DENND5B: variants seen among roughly 807,000 people sequenced by gnomAD.
DENND5B encodes DENN domain-containing protein 5B.
Under a neutral mutation model 140.6 loss-of-function variants are expected in DENND5B, and 34 were observed. That is an observed-to-expected ratio of 0.24 (90% CI 0.18 to 0.32). The LOEUF (loss-of-function observed/expected upper bound fraction) is 0.32. Among genes scored for constraint, DENND5B ranks in the 10% least tolerant of loss-of-function variants. The pLI is 1.00. For missense variants in DENND5B, 1,142 were observed against 1,560.2 expected (o/e 0.73, Z 4.52); for synonymous variants, 551 against 562.1 (o/e 0.98, Z 0.28).
At chr12:31,526,910 A>C (rs1948104641) in intron 1 of DENND5B, among the ~76,000 whole-genome samples, 1 of 152,206 alleles carries the variant, frequency 6.6e-6, no homozygotes, top group Admixed American at 6.5e-5. Context: ...GCAAAGAAGG[A>C]TATATTAATC....
chr12:31,397,992 G>GT (rs1322672454), intron 17 of DENND5B, among the ~76,000 whole-genome samples, 183 bp downstream of exon 17: 1 of 152,044 alleles, frequency 6.6e-6, no homozygotes, highest in Non-Finnish European at 1.5e-5. Flanking sequence ...GAGCATGCAA[G>GT]TTTTTTAAAA....
intron 1 of DENND5B, among the ~76,000 whole-genome samples, chr12:31,587,822 T>C (rs961588569): frequency 7.9e-5 from 12 of 152,106 alleles, no homozygotes; most frequent in African/African-American, 2.9e-4. Flanking sequence ...GCTAGGATTA[T>C]AGGCGTGAGC....
chr12:31,470,240 G>C (rs186521115), intron 3 of DENND5B, among the ~76,000 whole-genome samples: 1 of 148,084 alleles, frequency 6.8e-6, no homozygotes, highest in African/African-American at 2.5e-5. Flanking sequence ...TCAGCCTCCC[G>C]AGTAGCTGGG....
chr12:31,501,324 T>C (rs1946992665), intron 1 of DENND5B, among the ~76,000 whole-genome samples: 1 of 152,212 alleles, frequency 6.6e-6, no homozygotes, highest in Admixed American at 6.5e-5. Flanking sequence ...TTACTTCCCC[T>C]TCCGCCACAA....
At chr12:31,439,701 G>A (rs1943939947) in intron 7 of DENND5B, among the ~76,000 whole-genome samples, 1 of 151,922 alleles carries the variant, frequency 6.6e-6, no homozygotes, top group Non-Finnish European at 1.5e-5. Flanking sequence ...AGGCCGAGGT[G>A]GGCGGATAAC....
At chr12:31,418,832 G>T (rs918899960) in intron 11 of DENND5B, among the ~76,000 whole-genome samples, 3 of 150,182 alleles carry the variant, frequency 2.0e-5, no homozygotes, top group Non-Finnish European at 4.4e-5. Flanking sequence ...AGAGATGGGG[G>T]TCTCACTATG....
rs141913896 is a variant in DENND5B, at chr12:31,535,754, C to T, written c.128-39835G>A. 7.2e-5 allele frequency among the ~76,000 whole-genome samples: 11 copies of T among 151,796 alleles called. No individual in the cohort carries two copies. The East Asian group carries it at 1.9e-3, about 27-fold the overall frequency. On this transcript the variant is annotated intron_variant, in intron 1 of 20. Coordinates refer to ENST00000389082, the MANE Select transcript of DENND5B (RefSeq NM_144973.4). ...ATGCCCAGACACCAACAAACATCCG[C>T]AAGTATCAAGACCATCCAGGAAAAC...
intron 11 of DENND5B, among the ~76,000 whole-genome samples, chr12:31,419,359 G>A (rs1942912625): frequency 1.3e-5 from 2 of 151,798 alleles, no homozygotes; most frequent in African/African-American, 4.8e-5. Context: ...AGAGGCAGGA[G>A]AATCTCTTGA....
At chr12:31,460,065 G>C (rs1944944662) in intron 4 of DENND5B, 129 bp downstream of exon 4, 2 of 875,738 alleles carry the variant, frequency 2.3e-6, no homozygotes, top group South Asian at 3.6e-5. Context: ...CTCTCCCCTA[G>C]CCATACTTGG....
intron 4 of DENND5B, among the ~76,000 whole-genome samples, chr12:31,459,626 G>C (rs904121747): frequency 1.3e-5 from 2 of 152,064 alleles, no homozygotes; most frequent in African/African-American, 4.8e-5. Flanking sequence ...ACAACACACA[G>C]AAAGTATAAC....
At chr12:31,501,792 GA>G (rs1254866198) in intron 1 of DENND5B, among the ~76,000 whole-genome samples, 2 of 144,900 alleles carry the variant, frequency 1.4e-5, no homozygotes, top group African/African-American at 5.1e-5. Flanking sequence ...AAAAAAGAAA[GA>G]AAAAAGAAAT....
chr12:31,555,708 G>C (rs1031229899), intron 1 of DENND5B, among the ~76,000 whole-genome samples: 4 of 152,212 alleles, frequency 2.6e-5, no homozygotes, highest in Non-Finnish European at 4.4e-5. Flanking sequence ...CCCAGTTCGA[G>C]CTTCCTGGCC....
intron 1 of DENND5B, among the ~76,000 whole-genome samples, chr12:31,583,514 CA>C (rs1434354406): frequency 6.6e-6 from 1 of 151,258 alleles, no homozygotes; most frequent in African/African-American, 2.4e-5. Context: ...CCGTCTCTAC[CA>C]AAAAATACAA....
intron 1 of DENND5B, chr12:31,541,057 T>C (rs1051363780): frequency 4.4e-5 from 19 of 431,890 alleles, no homozygotes; most frequent in Admixed American, 3.0e-4. Flanking sequence ...AAAAATCAAA[T>C]GAAAATGGGT....
chr12:31,436,556 T>C (rs1474984939), intron 7 of DENND5B, among the ~76,000 whole-genome samples: 2 of 151,624 alleles, frequency 1.3e-5, no homozygotes, highest in African/African-American at 2.4e-5. Flanking sequence ...TTTTTGGAGA[T>C]AGAGTTTTGC....
intron 1 of DENND5B, among the ~76,000 whole-genome samples, chr12:31,589,277 A>G (rs1167947046): frequency 2.6e-5 from 4 of 152,184 alleles, no homozygotes; most frequent in African/African-American, 7.2e-5. Context: ...TTTTTTCTTC[A>G]TATCCTTTAA....
At chr12:31,431,662 G>C (rs1471612457) in intron 8 of DENND5B, among the ~76,000 whole-genome samples, 1 of 152,152 alleles carries the variant, frequency 6.6e-6, no homozygotes, top group Non-Finnish European at 1.5e-5. Context: ...CCCAGCAAAA[G>C]AAAGGCTATT....
chr12:31,554,558 G>T (rs550434652), intron 1 of DENND5B, among the ~76,000 whole-genome samples: 119 of 152,146 alleles, frequency 7.8e-4, no homozygotes, highest in Middle Eastern at 3.4e-3. Flanking sequence ...TTGCTCTCTC[G>T]AGGAGTATCT....
At chr12:31,437,150 T>C (rs1298288470) in intron 7 of DENND5B, among the ~76,000 whole-genome samples, 1 of 146,324 alleles carries the variant, frequency 6.8e-6, no homozygotes, top group Non-Finnish European at 1.5e-5. Context: ...CCCCCCCTTT[T>C]TTTTTTTTTT....
Sources: gnomAD v4.1 joint callset for allele counts (sites outside exome capture counted in the v4.1 genomes callset) on GRCh38, gnomAD v4.1.1 for gene constraint, MANE v1.5 for transcripts, NCBI Gene and HGNC (gene_info 2026-07-23, HGNC 2026-07-21) for gene names.